MACROD2: variants seen among roughly 807,000 people sequenced by gnomAD.
The protein encoded by MACROD2 is ADP-ribose glycohydrolase MACROD2.
In MACROD2, 36 loss-of-function variants were observed where a neutral mutation model predicts 70.4. The observed-to-expected ratio is 0.51, with a 90% confidence interval of 0.39 to 0.68. The LOEUF (loss-of-function observed/expected upper bound fraction) is 0.68, where lower values mean the gene tolerates loss of function less well. Among genes scored for constraint, MACROD2 ranks in the 30% least tolerant of loss-of-function variants. The pLI is 0.00. For synonymous variants in MACROD2, 172 were observed against 178.8 expected, an observed-to-expected ratio of 0.96 and a Z score of 0.30; for missense variants, 496 against 538.4, an observed-to-expected ratio of 0.92 and a Z score of 0.78.
At chr20:15,292,430 C>A (rs1164405103) in intron 6 of MACROD2, among the ~76,000 whole-genome samples, 1 of 152,168 alleles carries the variant, frequency 6.6e-6, no homozygotes, top group Non-Finnish European at 1.5e-5. Flanking sequence ...TTATCACTCA[C>A]CCCGTATTAG....
intron 9 of MACROD2, among the ~76,000 whole-genome samples, chr20:15,873,181 C>G (rs73898565): frequency 0.038 from 5,745 of 152,176 alleles, 239 homozygotes; most frequent in East Asian, 0.13. Flanking sequence ...TCAAATTGTG[C>G]ACTGTGTTTG....
At chr20:15,310,138 G>A (rs1476457452) in intron 6 of MACROD2, among the ~76,000 whole-genome samples, 1 of 152,196 alleles carries the variant, frequency 6.6e-6, no homozygotes, top group Non-Finnish European at 1.5e-5. Context: ...TCTCAGGGTT[G>A]TTGTACAGAT....
intron 3 of MACROD2, among the ~76,000 whole-genome samples, chr20:14,274,782 A>G (rs537792713): frequency 8.6e-5 from 13 of 151,844 alleles, no homozygotes; most frequent in African/African-American, 2.9e-4. Flanking sequence ...TTAAGCTGAT[A>G]AGCAATTTCA....
chr20:14,735,674 C>T (rs2071655596), intron 5 of MACROD2, among the ~76,000 whole-genome samples: 1 of 151,830 alleles, frequency 6.6e-6, no homozygotes, highest in Non-Finnish European at 1.5e-5. Flanking sequence ...GTGGCAAAAC[C>T]GTGTCTCTAT....
intron 5 of MACROD2, among the ~76,000 whole-genome samples, chr20:14,818,765 C>CATT (rs922203165): frequency 4.8e-5 from 7 of 144,522 alleles, no homozygotes; most frequent in African/African-American, 1.8e-4. Flanking sequence ...TGAATGGAAG[C>CATT]ATAATAATTT....
chr20:15,911,873 G>A (rs2065242363), intron 10 of MACROD2, among the ~76,000 whole-genome samples: 1 of 152,184 alleles, frequency 6.6e-6, no homozygotes, highest in African/African-American at 2.4e-5. Flanking sequence ...GGGCGTGTTG[G>A]CATGTGCGTG....
At chr20:15,345,490 G>T (rs1338430201) in intron 6 of MACROD2, among the ~76,000 whole-genome samples, 1 of 152,126 alleles carries the variant, frequency 6.6e-6, no homozygotes, top group Non-Finnish European at 1.5e-5. Flanking sequence ...AATGAATCAA[G>T]GCTGGCTCCT....
At chr20:14,599,429 G>T (rs1017263024) in intron 4 of MACROD2, among the ~76,000 whole-genome samples, 1 of 152,134 alleles carries the variant, frequency 6.6e-6, no homozygotes, top group African/African-American at 2.4e-5. Flanking sequence ...GTGGAGTAAA[G>T]GATATCCGGG....
intron 3 of MACROD2, among the ~76,000 whole-genome samples, chr20:14,414,007 C>G (rs1359732511): frequency 6.6e-6 from 1 of 152,144 alleles, no homozygotes; most frequent in Non-Finnish European, 1.5e-5. Flanking sequence ...ATGCAGATGA[C>G]ACTAACCAGC....
At chr20:14,656,252 C>T (rs1985969069) in intron 4 of MACROD2, among the ~76,000 whole-genome samples, 1 of 152,136 alleles carries the variant, frequency 6.6e-6, no homozygotes, top group Admixed American at 6.5e-5. Flanking sequence ...GTCTGCTCCC[C>T]CCCACCCATT....
At chr20:14,954,934 T>TATA in intron 5 of MACROD2, among the ~76,000 whole-genome samples, 2 of 105,484 alleles carry the variant, frequency 1.9e-5, no homozygotes, top group African/African-American at 4.0e-5. Context: ...TATTATATAT[T>TATA]TAATTATATA....
In MACROD2 at chr20:15,075,949, AG is replaced by A. The variant is rs533040253; in HGVS notation, c.419-153990del. Among the ~76,000 whole-genome samples the A allele has an allele frequency of 3.4e-3, 512 of 152,314 alleles. 4 individuals are homozygous for A. Among genetic ancestry groups the A allele is most frequent in the Admixed American group, 5.8e-3 (89 of 15,290 alleles). ...TTTTAGGGGAAGAATATGTTATAAA[AG>A]AGAATTATCTTTATGACAGTAACTT... On this transcript the variant is annotated intron_variant, in intron 5 of 17. Transcript: ENST00000684519.
chr20:14,483,978 A>G (rs1054228782), intron 3 of MACROD2, among the ~76,000 whole-genome samples: 3 of 152,222 alleles, frequency 2.0e-5, no homozygotes, highest in African/African-American at 7.2e-5. Flanking sequence ...TCAGAAATTG[A>G]AACTAAATAT....
At chr20:14,120,234 A>G (rs868792565) in intron 3 of MACROD2, among the ~76,000 whole-genome samples, 2 of 147,510 alleles carry the variant, frequency 1.4e-5, no homozygotes. Context: ...AAAAAAAAAA[A>G]GAAGAAGACA....
At chr20:14,675,081 G>C (rs1430363214) in intron 4 of MACROD2, among the ~76,000 whole-genome samples, 2 of 152,134 alleles carry the variant, frequency 1.3e-5, no homozygotes, top group Non-Finnish European at 1.5e-5. Flanking sequence ...CTTTTGATTG[G>C]TGTACCTGAA....
chr20:15,409,226 T>G (rs1568785216), intron 6 of MACROD2, among the ~76,000 whole-genome samples: 1 of 152,166 alleles, frequency 6.6e-6, no homozygotes, highest in Non-Finnish European at 1.5e-5. Flanking sequence ...CTCATCATTT[T>G]TATGGTTAAA....
intron 5 of MACROD2, among the ~76,000 whole-genome samples, chr20:14,718,433 C>G (rs887709513): frequency 6.6e-6 from 1 of 151,434 alleles, no homozygotes; most frequent in African/African-American, 2.4e-5. Flanking sequence ...GAAAGAGAAG[C>G]TAGTCAACAG....
chr20:15,022,472 A>C (rs1478198712), intron 5 of MACROD2, among the ~76,000 whole-genome samples: 2 of 152,182 alleles, frequency 1.3e-5, no homozygotes, highest in East Asian at 3.8e-4. Context: ...ATGGAATTTT[A>C]CTTGAAAGGG....
chr20:14,857,560 A>T (rs2073268237), intron 5 of MACROD2, among the ~76,000 whole-genome samples: 1 of 152,184 alleles, frequency 6.6e-6, no homozygotes. Context: ...GCCTTAGCAC[A>T]CATGTCCAGA....
Sources: gnomAD v4.1 joint callset for allele counts (sites outside exome capture counted in the v4.1 genomes callset) on GRCh38, gnomAD v4.1.1 for gene constraint, MANE v1.5 for transcripts, NCBI Gene and HGNC (gene_info 2026-07-23, HGNC 2026-07-21) for gene names.